The following MROH1 variants were observed in gnomAD, a reference collection of about 807,000 sequenced individuals.
The protein encoded by MROH1 is maestro heat-like repeat-containing protein family member 1.
In MROH1, 117 loss-of-function variants were observed where a neutral mutation model predicts 116.5. The ratio of observed to expected loss-of-function variants is 1.00; its 90% CI spans 0.86 to 1.17. The LOEUF (loss-of-function observed/expected upper bound fraction) is 1.17. Among genes scored for constraint, MROH1 ranks in the 50% most tolerant of loss-of-function variants. The probability of loss-of-function intolerance (pLI) is 0.00; values close to 1 mark genes in which losing one functional copy is unlikely to be tolerated. For synonymous variants in MROH1, 921 were observed against 583.9 expected (o/e 1.58, Z -8.32); for missense variants, 1,873 against 1,338.5 (o/e 1.40, Z -6.23).
chr8:144,257,381 A>G (rs1318347667), intron 35 of MROH1, among the ~76,000 whole-genome samples: 1 of 152,146 alleles, frequency 6.6e-6, no homozygotes, highest in African/African-American at 2.4e-5. Flanking sequence ...CCATGGGGAC[A>G]GTGGTATACT....
At chr8:144,173,286 T>C (rs1182382723) in intron 4 of MROH1, among the ~76,000 whole-genome samples, 1 of 151,714 alleles carries the variant, frequency 6.6e-6, no homozygotes, top group African/African-American at 2.4e-5. Context: ...TTTTGTAGTT[T>C]TAGTAGAGAT....
chr8:144,192,902 T>C (rs1588055613), intron 10 of MROH1: 1 of 309,414 alleles, frequency 3.2e-6, no homozygotes, highest in South Asian at 2.6e-5. Context: ...GGGATGCAGG[T>C]GCCGGGTCAC....
At chr8:144,185,929 G>A (rs1316945722) in intron 7 of MROH1, among the ~76,000 whole-genome samples, 3 of 151,002 alleles carry the variant, frequency 2.0e-5, no homozygotes, top group African/African-American at 7.3e-5. Flanking sequence ...GCGACGTGGG[G>A]ACCACAAGGG....
At chr8:144,164,980 C>G (rs1820439367) in intron 3 of MROH1, among the ~76,000 whole-genome samples, 1 of 151,894 alleles carries the variant, frequency 6.6e-6, no homozygotes, top group Admixed American at 6.6e-5. Flanking sequence ...GTCCTTCAAG[C>G]CTTTGTTTGT....
intron 14 of MROH1, among the ~76,000 whole-genome samples, chr8:144,225,908 T>C (rs1364828866): frequency 2.4e-5 from 3 of 124,088 alleles, no homozygotes; most frequent in Non-Finnish European, 4.9e-5. Flanking sequence ...GATTCATTTT[T>C]AGTTTTTTTT....
chr8:144,151,698 G>A (rs997319907), intron 1 of MROH1, among the ~76,000 whole-genome samples: 1 of 152,128 alleles, frequency 6.6e-6, no homozygotes, highest in Non-Finnish European at 1.5e-5. Context: ...GCCTATAGAC[G>A]GCAAACTAAA....
At chr8:144,254,546 C>T (rs1012446437) in intron 33 of MROH1, 13,412 of 420,208 alleles carry the variant, frequency 0.032, 315 homozygotes, top group Admixed American at 0.055. Flanking sequence ...TCCCCAGGGA[C>T]CTCCCACACC....
intron 14 of MROH1, among the ~76,000 whole-genome samples, chr8:144,236,870 C>T (rs1840121439): frequency 6.9e-6 from 1 of 145,338 alleles, no homozygotes; most frequent in African/African-American, 2.6e-5. Flanking sequence ...TCTTTGGCCT[C>T]TGTTGTGACA....
At chr8:144,159,416 A>C (rs371306263) in intron 1 of MROH1, among the ~76,000 whole-genome samples, 1 of 152,198 alleles carries the variant, frequency 6.6e-6, no homozygotes, top group South Asian at 2.1e-4. Context: ...AGATTGGTCT[A>C]TTGTTCCTTG....
chr8:144,238,348 G>A (rs1311074009), intron 14 of MROH1, among the ~76,000 whole-genome samples: 1 of 152,150 alleles, frequency 6.6e-6, no homozygotes, highest in Non-Finnish European at 1.5e-5. Flanking sequence ...GCCTTCTGGG[G>A]AGCTGAGCGT....
In MROH1 at chr8:144,242,522, A is replaced by G. The variant is rs1015263600; in HGVS notation, c.2325+7A>G. 4 of 780,496 alleles carry G rather than the reference A, an allele frequency of 5.1e-6. No homozygotes were observed. Among genetic ancestry groups the G allele is most frequent in the South Asian group, 2.7e-5 (2 of 74,620 alleles). 48.3% of individuals were successfully genotyped at this position (780,496 alleles called of 1,614,324 possible). On this transcript the variant is annotated splice_region_variant and intron_variant, in intron 23 of 43. Coordinates refer to ENST00000326134, the MANE Select transcript of MROH1 (RefSeq NM_032450.3). ...CCAGCACTTCAGCACCAAGGTGGGC[A>G]CTGCGGTGGGCCTGCCACGCAGGGG... is the stretch of plus-strand genomic sequence containing the variant.
chr8:144,166,631 G>T (rs561557699), intron 3 of MROH1, among the ~76,000 whole-genome samples: 1 of 152,126 alleles, frequency 6.6e-6, no homozygotes, highest in Non-Finnish European at 1.5e-5. Flanking sequence ...GAGGGACACC[G>T]AGAGGCCCGG....
At position 144,239,686 on chromosome 8, in the gene MROH1, C is replaced by T. The variant is rs2132869271; in HGVS notation, c.1705C>T (p.Pro569Ser). The T allele has an allele frequency of 2.7e-6, 2 of 748,640 alleles. No individual in the cohort carries two copies. The highest frequency in any genetic ancestry group is 5.1e-5 in the East Asian group (2 of 39,492). 46.4% of individuals were successfully genotyped at this position (748,640 alleles called of 1,614,324 possible). A position where few individuals can be genotyped will look rare whatever the true frequency, so the allele number is the denominator to read the frequency against. ...GCTGCGCCTCCTCAGTGTTCTGCAC[C>T]CAAACATTCACCCTTTGCTGGGTCA... is the stretch of plus-strand genomic sequence containing the variant. ...AALRLLSVLH[P>S]NIHPLLGQHW... Residue 569 changes from proline (P) to serine (S), a missense_variant, in exon 18 of 44, where the codon CCA becomes TCA. Physicochemically the swap from Pro to Ser is moderately conservative, Grantham distance 74. Coordinates refer to ENST00000326134, the MANE Select transcript of MROH1 (RefSeq NM_032450.3).
chr8:144,178,652 T>G (rs956066434), intron 4 of MROH1, among the ~76,000 whole-genome samples: 1 of 152,182 alleles, frequency 6.6e-6, no homozygotes, highest in South Asian at 2.1e-4. Flanking sequence ...GTGCCGGCCA[T>G]GTTGCCTGGT....
chr8:144,197,417 C>CTTTTTTTTTT lies in MROH1; in HGVS notation c.949-1678_949-1669dup, dbSNP rs79749774. 1.3e-3 allele frequency among the ~76,000 whole-genome samples: 57 copies of CTTTTTTTTTT among 42,500 alleles called. 14 individuals are homozygous for CTTTTTTTTTT. The highest frequency in any genetic ancestry group is 6.4e-3 in the South Asian group (5 of 782). The allele number at this position is 42,500 out of a possible 152,430, so 27.9% of individuals were successfully genotyped here. ...AAGAGTGGGCAGGAAGCTGCAGCAT[C>CTTTTTTTTTT]TTTTTTTTTTTTTTTTTTTTTTTTT... is the stretch of plus-strand genomic sequence containing the variant. On this transcript the variant is annotated intron_variant, in intron 10 of 43. Transcript: ENST00000326134.
chr8:144,234,835 T>C (rs1839759573), intron 14 of MROH1, among the ~76,000 whole-genome samples: 1 of 151,120 alleles, frequency 6.6e-6, no homozygotes. Context: ...TTTTCTTAAT[T>C]TCATTTTCAG....
At chr8:144,223,044 C>A in intron 13 of MROH1, 64 bp from the exon 14 acceptor site, 1 of 1,601,500 alleles carries the variant, frequency 6.2e-7, no homozygotes, top group Non-Finnish European at 8.5e-7. Context: ...TTCCTCTCTG[C>A]TGGCTGGACT....
intron 1 of MROH1, among the ~76,000 whole-genome samples, chr8:144,155,152 T>G (rs1481881645): frequency 6.6e-6 from 1 of 152,068 alleles, no homozygotes; most frequent in African/African-American, 2.4e-5. Flanking sequence ...GGTTCCTCCA[T>G]GTTGGTCAGG....
rs1844490687 is a variant in MROH1, at chr8:144,259,164, T to C, written c.3930-76T>C. The C allele has an allele frequency of 5.7e-6, 4 of 703,126 alleles. No homozygotes were observed. The East Asian group carries it at 1.1e-4, about 19-fold the overall frequency. 43.6% of individuals were successfully genotyped at this position (703,126 alleles called of 1,614,324 possible). A position where few individuals can be genotyped will look rare whatever the true frequency, so the allele number is the denominator to read the frequency against. On this transcript the variant is annotated intron_variant, in intron 36 of 43. Coordinates refer to ENST00000326134, the MANE Select transcript of MROH1 (RefSeq NM_032450.3). ...AGCTGGCGGTGGAGCGGACCAGGGC[T>C]GTGCAGGGTGGAAGGTGCCTGGGTA...
Sources: gnomAD v4.1 joint callset for allele counts (sites outside exome capture counted in the v4.1 genomes callset) on GRCh38, gnomAD v4.1.1 for gene constraint, MANE v1.5 for transcripts, NCBI Gene and HGNC (gene_info 2026-07-23, HGNC 2026-07-21) for gene names.